The following HMCES variants were observed in gnomAD, a reference collection of about 807,000 sequenced individuals.
HMCES encodes abasic site processing protein HMCES.
Under a neutral mutation model 35.1 loss-of-function variants are expected in HMCES, and 27 were observed. The observed-to-expected ratio is 0.77, with a 90% CI of 0.57 to 1.06. The LOEUF (loss-of-function observed/expected upper bound fraction) is 1.06, where lower values mean the gene tolerates loss of function less well. HMCES is among the 50% of genes least tolerant of loss of function. The pLI is 0.00. For synonymous variants in HMCES, 130 were observed against 154.7 expected (o/e 0.84, Z 1.18); for missense variants, 391 against 430.4 (o/e 0.91, Z 0.81).
At position 129,288,887 on chromosome 3, in the gene HMCES, A is replaced by G; in HGVS notation, c.217A>G (p.Met73Val). The change falls in exon 3 of 7, where the codon ATG (methionine) becomes GTG (valine). Residue 73 changes from methionine (M) to valine (V), a missense_variant. Transcript: ENST00000383463. Reference protein sequence around the residue: ...ADSSERIIAPMRWGLVPSWFK... With the variant: ...ADSSERIIAPVRWGLVPSWFK... ...CTCATCTGAGCGTATCATTGCTCCC[A>G]TGCGCTGGGGCTTGGTCCCTTCTTG... is the stretch of plus-strand genomic sequence containing the variant. The G allele has an allele frequency of 1.3e-6, 2 of 1,590,520 alleles. No individual in the cohort carries two copies. The highest frequency in any genetic ancestry group is 1.7e-4 in the Middle Eastern group (1 of 5,980).
rs1251997164 is a variant in HMCES, at chr3:129,298,627, T to A, written c.635+92T>A. On this transcript the variant is annotated intron_variant, in intron 5 of 6. Transcript: ENST00000383463. ...TAGCTTTAGAGAGTAGGAAACCAAG[T>A]CATTTTACAACGTAAAGTTACAATC... is the stretch of plus-strand genomic sequence containing the variant. 5 of 1,068,472 alleles carry A rather than the reference T, an allele frequency of 4.7e-6. No homozygotes were observed. In the Admixed American group the frequency reaches 1.3e-4, roughly 27 times the overall value. 66.2% of individuals were successfully genotyped at this position (1,068,472 alleles called of 1,614,324 possible).
At chr3:129,288,557 T>TG (rs11321681) in intron 2 of HMCES, among the ~76,000 whole-genome samples, 7 of 151,110 alleles carry the variant, frequency 4.6e-5, no homozygotes, top group Non-Finnish European at 5.9e-5. Context: ...TAGCTGGGTA[T>TG]GGGGGGGCGT....
In HMCES at chr3:129,305,598, C is replaced by T. The variant is rs1012474739; in HGVS notation, c.*773C>T. The T allele has an allele frequency of 9.2e-5, 14 of 152,216 alleles. No individual in the cohort carries two copies. The highest frequency in any genetic ancestry group is 2.7e-4 in the African/African-American group (11 of 41,432). The allele number at this position is 152,216 out of a possible 1,614,324, so 9.4% of individuals were successfully genotyped here. ...ACCAGTTTCTAGCAGTGTCGGGCCACTCCTCTTTCGAACATCCCTAAGGGA... is the reference window on the plus strand; with the variant it reads ...ACCAGTTTCTAGCAGTGTCGGGCCATTCCTCTTTCGAACATCCCTAAGGGA... On this transcript the variant is annotated 3_prime_UTR_variant, in exon 7 of 7. Transcript: ENST00000383463.
intron 5 of HMCES, among the ~76,000 whole-genome samples, chr3:129,301,311 T>C (rs2071166488): frequency 6.6e-6 from 1 of 152,092 alleles, no homozygotes; most frequent in Admixed American, 6.6e-5. Context: ...CATTTAAAAA[T>C]GTACCATTAT....
At chr3:129,301,332 A>G (rs2071166731) in intron 5 of HMCES, among the ~76,000 whole-genome samples, 2 of 152,168 alleles carry the variant, frequency 1.3e-5, no homozygotes, top group South Asian at 4.1e-4. Flanking sequence ...TTTATACATT[A>G]CAGTATTTAA....
At chr3:129,291,571 T>A (rs971737957) in intron 4 of HMCES, among the ~76,000 whole-genome samples, 1 of 152,218 alleles carries the variant, frequency 6.6e-6, no homozygotes, top group African/African-American at 2.4e-5. Context: ...TCATTCCTTT[T>A]TGTAAGAACA....
At position 129,294,402 on chromosome 3, in the gene HMCES, A is replaced by G. The variant is rs899214941; in HGVS notation, c.453+3598A>G. Among the ~76,000 whole-genome samples, 4 of 152,266 alleles carry G rather than the reference A, an allele frequency of 2.6e-5. No individual in the cohort carries two copies. In the South Asian group the frequency reaches 6.2e-4, roughly 24 times the overall value. ...TGCGCCACTGTGCTCCAGCCTGGGC[A>G]ACAGAGTGAGACTCCGTCTCAAAAA... is the stretch of plus-strand genomic sequence containing the variant. On this transcript the variant is annotated intron_variant, in intron 4 of 6. Coordinates refer to ENST00000383463, the MANE Select transcript of HMCES (RefSeq NM_020187.3).
Position 129,304,636 on chromosome 3 carries a change from C to T in HMCES, c.876C>T (p.Ala292=). ...GSSQRMLQWL[A]TKSPKKEDSK... Reference sequence around the variant, plus strand: ...GCCAGAGGATGTTGCAGTGGTTGGCCACAAAGTCACCCAAAAAGGAAGACT... The same window carrying T: ...GCCAGAGGATGTTGCAGTGGTTGGCTACAAAGTCACCCAAAAAGGAAGACT... The change falls in exon 7 of 7, where the codon GCC becomes GCT. Residue 292 remains alanine (A), a synonymous_variant. Coordinates refer to ENST00000383463, the MANE Select transcript of HMCES (RefSeq NM_020187.3). 6.2e-7 allele frequency: 1 copy of T among 1,614,158 alleles called. No homozygotes were observed. The highest frequency in any genetic ancestry group is 8.5e-7 in the Non-Finnish European group (1 of 1,180,044).
intron 5 of HMCES, among the ~76,000 whole-genome samples, chr3:129,300,374 T>C (rs1317401581): frequency 6.6e-6 from 1 of 152,096 alleles, no homozygotes; most frequent in African/African-American, 2.4e-5. Context: ...AACACAAAAT[T>C]TGCATTGTGC....
chr3:129,302,263 T>C (rs781115510), intron 6 of HMCES, 121 bp downstream of exon 6: 70 of 794,988 alleles, frequency 8.8e-5, no homozygotes, highest in Non-Finnish European at 1.3e-4. Context: ...AAAGCTCTCA[T>C]ACTCCTTGTA....
intron 6 of HMCES, among the ~76,000 whole-genome samples, chr3:129,304,128 G>A (rs1454779556): frequency 6.6e-6 from 1 of 152,132 alleles, no homozygotes; most frequent in African/African-American, 2.4e-5. Flanking sequence ...TCAGGATTGG[G>A]GTGTGATGTA....
chr3:129,293,900 G>C (rs190471910), intron 4 of HMCES, among the ~76,000 whole-genome samples: 3 of 151,934 alleles, frequency 2.0e-5, no homozygotes, highest in Admixed American at 2.0e-4. Context: ...CAGATAGTTG[G>C]ATTTTCCTTT....
chr3:129,289,422 C>G (rs1263509001), intron 3 of HMCES, among the ~76,000 whole-genome samples: 2 of 152,204 alleles, frequency 1.3e-5, no homozygotes, highest in African/African-American at 4.8e-5. Flanking sequence ...ACTCATTTAC[C>G]CCAGAGCTCA....
chr3:129,288,773 TA>T, intron 2 of HMCES, 80 bp from the exon 3 acceptor site: 1 of 1,044,608 alleles, frequency 9.6e-7, no homozygotes, highest in Non-Finnish European at 1.3e-6. Context: ...TCAATACTCC[TA>T]AATAATGTAA....
chr3:129,279,851 C>T lies in HMCES; in HGVS notation c.119C>T (p.Pro40Leu), dbSNP rs747119039. ...TGGAGGGACCCTGATAAGTACTGCC[C>T]CTCTTACAACAAGAGTCCTCAATCC... Reference protein sequence around the residue: ...PEWRDPDKYCPSYNKSPQSNS... With the variant: ...PEWRDPDKYCLSYNKSPQSNS... Residue 40 changes from proline to leucine, a missense_variant, in exon 2 of 7, where the codon CCC (proline) becomes CTC (leucine). Pro to Leu is a moderately conservative substitution (Grantham distance 98). Coordinates refer to ENST00000383463, the MANE Select transcript of HMCES (RefSeq NM_020187.3). This position sits in a 1 kb window ranked among gnomAD's most constrained non-coding sequence, Gnocchi z 4.2. 1 of 1,611,894 alleles carries T rather than the reference C, an allele frequency of 6.2e-7. No individual in the cohort carries two copies. Among genetic ancestry groups the T allele is most frequent in the Non-Finnish European group, 8.5e-7 (1 of 1,179,416 alleles).
Position 129,296,766 on chromosome 3 carries a change from T to C in HMCES, c.454-1588T>C, listed in dbSNP as rs1284991145. 1.1e-4 allele frequency among the ~76,000 whole-genome samples: 16 copies of C among 152,010 alleles called. 1 individual carries two copies. Among genetic ancestry groups the C allele is most frequent in the Admixed American group, 1.0e-3 (16 of 15,270 alleles). On this transcript the variant is annotated intron_variant, in intron 4 of 6. Coordinates refer to ENST00000383463, the MANE Select transcript of HMCES (RefSeq NM_020187.3). ...TTCTCATTACAGTGCCTTTGTTTTG[T>C]TTTTGTTTTTGTTTTTGAGACAGAG...
intron 4 of HMCES, among the ~76,000 whole-genome samples, chr3:129,294,524 T>C (rs2071068649): frequency 6.6e-6 from 1 of 152,256 alleles, no homozygotes; most frequent in South Asian, 2.1e-4. Flanking sequence ...TACATTACTA[T>C]TGAAAATACC....
intron 5 of HMCES, among the ~76,000 whole-genome samples, chr3:129,301,160 C>G (rs1422211335): frequency 6.9e-6 from 1 of 143,902 alleles, no homozygotes; most frequent in Non-Finnish European, 1.5e-5. Flanking sequence ...CCACTGCACT[C>G]CAGCCTGGGC....
In HMCES at chr3:129,302,105, C is replaced by T. The variant is rs770605530; in HGVS notation, c.791C>T (p.Pro264Leu). Residue 264 changes from proline (P) to leucine (L), a missense_variant, in exon 6 of 7, where the codon CCT (proline) becomes CTT (leucine). By Grantham distance (98) the Pro-to-Leu change is moderately conservative. Transcript: ENST00000383463. ...GTGAACAACTCGCGAAACAACACTC[C>T]TGAGTGTCTGGCTCCTGTCGACTTG... ...SVVNNSRNNT[P>L]ECLAPVDLVV... 3.3e-5 allele frequency: 53 copies of T among 1,613,934 alleles called. No individual in the cohort carries two copies. The Middle Eastern group carries it at 1.8e-3, about 55-fold the overall frequency.
Sources: allele counts gnomAD v4.1 joint callset (sites outside exome capture counted in the v4.1 genomes callset), GRCh38; gene constraint gnomAD v4.1.1; non-coding constraint Gnocchi (gnomAD v3.1); transcripts MANE v1.5; gene names NCBI Gene and HGNC (gene_info 2026-07-23, HGNC 2026-07-21).